The following DDX41 variants were observed in gnomAD, a reference collection of about 807,000 sequenced individuals.
DDX41 encodes the protein DEAD-box helicase 41.
Under a neutral mutation model 78.8 loss-of-function variants are expected in DDX41, and 50 were observed. That is an observed-to-expected ratio of 0.63 (90% CI 0.51 to 0.80). DDX41 has a LOEUF of 0.80. Among genes scored for constraint, DDX41 ranks in the 30% least tolerant of loss-of-function variants. The probability of loss-of-function intolerance (pLI) is 0.00; values close to 1 mark genes in which losing one functional copy is unlikely to be tolerated. For synonymous variants in DDX41, 381 were observed against 321.5 expected (o/e 1.19, Z -1.98); for missense variants, 633 against 849.2 (o/e 0.75, Z 3.16).
At position 177,511,611 on chromosome 5, in the gene DDX41, G is replaced by T; in HGVS notation, c.*180C>A. On this transcript the variant is annotated 3_prime_UTR_variant, in exon 17 of 17. Coordinates refer to ENST00000330503, the MANE Select transcript of DDX41 (RefSeq NM_016222.4). ...GGTTTGGGCTTTAATGGCAGCTGGG[G>T]TAAAAGGAAACAAAAACAGTAATTC... is the stretch of plus-strand genomic sequence containing the variant. 1.2e-6 allele frequency: 1 copy of T among 847,640 alleles called. No individual in the cohort carries two copies. The highest frequency in any genetic ancestry group is 1.8e-6 in the Non-Finnish European group (1 of 557,484). 52.5% of individuals were successfully genotyped at this position (847,640 alleles called of 1,614,324 possible).
At position 177,512,489 on chromosome 5, in the gene DDX41, C is replaced by T. The variant is rs1390517126; in HGVS notation, c.1549+7G>A. ...CTAACCCATGCCCTTGGGCCCCAGG[C>T]TCTTACCATAGTTCTCAATCTCCTC... On this transcript the variant is annotated splice_region_variant and intron_variant, in intron 14 of 16. Coordinates refer to ENST00000330503, the MANE Select transcript of DDX41 (RefSeq NM_016222.4). 3.1e-6 allele frequency: 5 copies of T among 1,614,150 alleles called. No homozygotes were observed. Among genetic ancestry groups the T allele is most frequent in the African/African-American group, 1.3e-5 (1 of 75,052 alleles).
At chr5:177,512,038 CA>C in intron 16 of DDX41, 57 bp downstream of exon 16, 10 of 1,607,810 alleles carry the variant, frequency 6.2e-6, no homozygotes, top group Non-Finnish European at 8.5e-6. Context: ...TTCTGACTTC[CA>C]GCACCCCTCC....
rs1581806151 is a variant in DDX41 at position 177,513,998 on chromosome 5, A to G, written c.936-151T>C. ...ATCATTCCCACCACCTGCCCTATGT[A>G]TAGCACACAGCTCTTTCCCAAGGCA... On this transcript the variant is annotated intron_variant, in intron 9 of 16. Transcript: ENST00000330503. This position sits in a 1 kb window ranked among gnomAD's most constrained non-coding sequence, Gnocchi z 4.6. 4 of 832,182 alleles carry G rather than the reference A, an allele frequency of 4.8e-6. No homozygotes were observed. The East Asian group carries it at 1.1e-4, about 22-fold the overall frequency. 51.5% of individuals were successfully genotyped at this position (832,182 alleles called of 1,614,324 possible).
In DDX41 at chr5:177,513,960, C is replaced by T. The variant is rs1000522243; in HGVS notation, c.936-113G>A. ...TCTGTCCTCCTTCCTATTTCTTTGT[C>T]TGTCCCCTTCTCATCATTCCCACCA... is the stretch of plus-strand genomic sequence containing the variant. On this transcript the variant is annotated intron_variant, in intron 9 of 16. Transcript: ENST00000330503. This position sits in a 1 kb window ranked among gnomAD's most constrained non-coding sequence, Gnocchi z 4.6. 4 of 1,090,312 alleles carry T rather than the reference C, an allele frequency of 3.7e-6. No individual in the cohort carries two copies. Among genetic ancestry groups the T allele is most frequent in the African/African-American group, 3.1e-5 (2 of 64,450 alleles). The allele number at this position is 1,090,312 out of a possible 1,614,324, so 67.5% of individuals were successfully genotyped here.
At position 177,513,276 on chromosome 5, in the gene DDX41, C is replaced by A. The variant is rs1030583487; in HGVS notation, c.1230+77G>T. On this transcript the variant is annotated intron_variant, in intron 11 of 16. Coordinates refer to ENST00000330503, the MANE Select transcript of DDX41 (RefSeq NM_016222.4). The surrounding 1 kb of genome is among the most constrained non-coding windows in gnomAD (Gnocchi z 4.6). ...CGGTTCCCACAAGGTGGACCCCCGG[C>A]TCCAATCAGCTTCAGGGAGACTTGT... 62 of 1,593,782 alleles carry A rather than the reference C, an allele frequency of 3.9e-5. No individual in the cohort carries two copies. Among genetic ancestry groups the A allele is most frequent in the Non-Finnish European group, 5.1e-5 (60 of 1,166,278 alleles).
Position 177,514,129 on chromosome 5 carries a change from G to T in DDX41, c.936-282C>A. On this transcript the variant is annotated intron_variant, in intron 9 of 16. Transcript: ENST00000330503. This position sits in a 1 kb window ranked among gnomAD's most constrained non-coding sequence, Gnocchi z 4.2. ...ATCAAGCTCCAGAGGCTTTACTCTG[G>T]GCTCGCTTTCCTGGCCCACTGGCTT... 2 of 614,676 alleles carry T rather than the reference G, an allele frequency of 3.3e-6. No individual in the cohort carries two copies. The highest frequency in any genetic ancestry group is 3.0e-6 in the Non-Finnish European group (1 of 329,270). The allele number at this position is 614,676 out of a possible 1,614,324, so 38.1% of individuals were successfully genotyped here.
rs1287073745 is a variant in DDX41 at position 177,515,768 on chromosome 5, A to G, written c.488T>C (p.Val163Ala). The G allele has an allele frequency of 6.2e-7, 1 of 1,614,152 alleles. No homozygotes were observed. Among genetic ancestry groups the G allele is most frequent in the South Asian group, 1.1e-5 (1 of 91,086 alleles). ...LSMSEERHERVRKKYHILVEG... is the reference protein window; with the variant it reads ...LSMSEERHERARKKYHILVEG... ...CACCAGGATGTGGTATTTCTTCCGC[A>G]CGCGCTCATGTCGCTCTTCAGACAT... is the stretch of plus-strand genomic sequence containing the variant. The change falls in exon 6 of 17, where the codon GTG becomes GCG. Residue 163 changes from valine to alanine, a missense_variant. By Grantham distance (64) the Val-to-Ala change is moderately conservative. Coordinates refer to ENST00000330503, the MANE Select transcript of DDX41 (RefSeq NM_016222.4).
Position 177,516,445 on chromosome 5 carries a change from G to A in DDX41, c.141C>T (p.Leu47=). 1.2e-6 allele frequency: 2 copies of A among 1,613,436 alleles called. No homozygotes were observed. Among genetic ancestry groups the A allele is most frequent in the Non-Finnish European group, 1.7e-6 (2 of 1,180,026 alleles). ...TGCGTCTTCGCTGCAGCAGCTTCTG[G>A]AGCTGAGGTTCCACCCGGGATCCAC... The part of the protein sequence containing the change: ...VPLRQRRQLL[L]QKLLQRRRKG... Residue 47 remains leucine, a splice_region_variant and synonymous_variant, in exon 3 of 17, where the codon CTC becomes CTT. Transcript: ENST00000330503.
Position 177,511,734 on chromosome 5 carries a change from A to C in DDX41, c.*57T>G, listed in dbSNP as rs1371786848. The C allele has an allele frequency of 6.2e-7, 1 of 1,606,294 alleles. No individual in the cohort carries two copies. Among genetic ancestry groups the C allele is most frequent in the Admixed American group, 1.7e-5 (1 of 59,796 alleles). ...CTGTCCAGGGGGCTGCTGTATGTGT[A>C]GACTGGTGGCAGTCTTGGGGACTGA... On this transcript the variant is annotated 3_prime_UTR_variant, in exon 17 of 17. Transcript: ENST00000330503.
At position 177,511,652 on chromosome 5, in the gene DDX41, A is replaced by T; in HGVS notation, c.*139T>A. 1 of 1,153,898 alleles carries T rather than the reference A, an allele frequency of 8.7e-7. No homozygotes were observed. Among genetic ancestry groups the T allele is most frequent in the Non-Finnish European group, 1.2e-6 (1 of 801,336 alleles). The allele number at this position is 1,153,898 out of a possible 1,614,324, so 71.5% of individuals were successfully genotyped here. A position where few individuals can be genotyped will look rare whatever the true frequency, so the allele number is the denominator to read the frequency against. ...ACAGTAATTCTGAAGAGCACAGGGA[A>T]CAGGCAGCCAGGACCAGCCTGGCCC... On this transcript the variant is annotated 3_prime_UTR_variant, in exon 17 of 17. Transcript: ENST00000330503.
chr5:177,515,396 A>G (rs1243641105), intron 6 of DDX41, 138 bp from the exon 7 acceptor site: 2 of 985,406 alleles, frequency 2.0e-6, no homozygotes, highest in South Asian at 2.7e-5. Context: ...GAGTGGAAAA[A>G]AAAAAAGAAA....
chr5:177,512,254 C>A (rs533983076), intron 15 of DDX41, 48 bp from the exon 16 acceptor site: 1 of 1,613,834 alleles, frequency 6.2e-7, no homozygotes, highest in South Asian at 1.1e-5. Context: ...GGCTCTGTGG[C>A]CAGAACCTGG....
At chr5:177,515,428 C>T (rs1405886612) in intron 6 of DDX41, 170 bp from the exon 7 acceptor site, 9 of 905,056 alleles carry the variant, frequency 9.9e-6, no homozygotes, top group Non-Finnish European at 1.6e-5. Flanking sequence ...GTCCAAGGCC[C>T]ACAGGCTAGG....
intron 15 of DDX41, 40 bp downstream of exon 15, chr5:177,512,282 A>G (rs376715057): frequency 6.2e-7 from 1 of 1,613,856 alleles, no homozygotes; most frequent in Admixed American, 1.7e-5. Flanking sequence ...CAGGCAGGGG[A>G]CCCAGGGAAC....
chr5:177,513,112 C>A lies in DDX41; in HGVS notation c.1231-30G>T. ...CACCACAAAGATCAGGTCAGGTGAT[C>A]TTGAGATTAGGCTTACCCGCCACAG... On this transcript the variant is annotated intron_variant, in intron 11 of 16. Coordinates refer to ENST00000330503, the MANE Select transcript of DDX41 (RefSeq NM_016222.4). This position sits in a 1 kb window ranked among gnomAD's most constrained non-coding sequence, Gnocchi z 4.6. The A allele has an allele frequency of 6.3e-7, 1 of 1,598,918 alleles. No individual in the cohort carries two copies. Among genetic ancestry groups the A allele is most frequent in the South Asian group, 1.1e-5 (1 of 88,428 alleles).
Position 177,514,791 on chromosome 5 carries a change from C to G in DDX41, c.845G>C (p.Arg282Pro). ...QTHGILEYYCRLLQEDSSPLL... is the reference protein window; with the variant it reads ...QTHGILEYYCPLLQEDSSPLL... ...TGGTGAGCTGTCCTCCTGCAGCAGG[C>G]GGCAGTAGTACTCCAGGATGCCATG... The change falls in exon 9 of 17, where the codon CGC (arginine) becomes CCC (proline). Residue 282 changes from arginine (R) to proline (P), a missense_variant. This residue lies in a region of DDX41 where 151 missense variants were observed against 169.2 expected (regional missense o/e 0.89). Coordinates refer to ENST00000330503, the MANE Select transcript of DDX41 (RefSeq NM_016222.4). The surrounding 1 kb of genome is among the most constrained non-coding windows in gnomAD (Gnocchi z 4.2). 6.2e-7 allele frequency: 1 copy of G among 1,612,882 alleles called. No individual in the cohort carries two copies. The highest frequency in any genetic ancestry group is 8.5e-7 in the Non-Finnish European group (1 of 1,179,916).
At position 177,513,517 on chromosome 5, in the gene DDX41, A is replaced by G. The variant is rs990760376; in HGVS notation, c.1099-33T>C. ...AGAGGGGGGCTGCGACCAAGGGCAC[A>G]CAGGGCTGGGCTGAGGGGCATGGGG... is the stretch of plus-strand genomic sequence containing the variant. On this transcript the variant is annotated intron_variant, in intron 10 of 16. Transcript: ENST00000330503. This position sits in a 1 kb window ranked among gnomAD's most constrained non-coding sequence, Gnocchi z 4.6. The G allele has an allele frequency of 4.2e-5, 67 of 1,613,882 alleles. No homozygotes were observed. The highest frequency in any genetic ancestry group is 5.5e-5 in the Non-Finnish European group (65 of 1,180,028).
intron 13 of DDX41, 44 bp from the exon 14 acceptor site, chr5:177,512,689 G>A: frequency 1.2e-6 from 2 of 1,613,384 alleles, no homozygotes; most frequent in Non-Finnish European, 8.5e-7. Flanking sequence ...CCATGGGACA[G>A]GGGAGTGGCA....
At chr5:177,515,374 G>T in intron 6 of DDX41, 116 bp from the exon 7 acceptor site, 1 of 894,992 alleles carries the variant, frequency 1.1e-6, no homozygotes, top group Non-Finnish European at 1.8e-6. Context: ...GAGGCTCAGA[G>T]AGAGAGAGAG....
Sources: gnomAD v4.1 joint callset for allele counts on GRCh38, gnomAD v4.1.1 for gene constraint, gnomAD v4.1.1 regional missense constraint, Gnocchi (gnomAD v3.1) non-coding constraint, MANE v1.5 for transcripts, NCBI Gene and HGNC (gene_info 2026-07-23, HGNC 2026-07-21) for gene names.